The following AGBL4 variants were observed in gnomAD, a reference collection of about 807,000 sequenced individuals.
The protein encoded by AGBL4 is AGBL carboxypeptidase 4, also known as cytosolic carboxypeptidase 6.
A neutral mutation model predicts 66.4 loss-of-function variants in AGBL4; 58 were observed. That is an observed-to-expected ratio of 0.87 (90% CI 0.71 to 1.09). AGBL4 has a LOEUF of 1.09. AGBL4 is among the 50% of genes least tolerant of loss of function. AGBL4 has a pLI of 0.00. For synonymous variants in AGBL4, 234 were observed against 222.9 expected (o/e 1.05, Z -0.44); for missense variants, 579 against 631.0 (o/e 0.92, Z 0.88).
intron 6 of AGBL4, among the ~76,000 whole-genome samples, chr1:48,862,167 G>A (rs188859424): frequency 7.1e-4 from 108 of 152,130 alleles, no homozygotes; most frequent in African/African-American, 2.5e-3. Flanking sequence ...GCCTACTGCT[G>A]CCCATGAAGG....
rs541937902 is a variant in AGBL4 at position 49,286,237 on chromosome 1, A to C, written c.283-40373T>G. Among the ~76,000 whole-genome samples, 9 of 152,260 alleles carry C rather than the reference A, an allele frequency of 5.9e-5. No homozygotes were observed. In the East Asian group the frequency reaches 1.7e-3, roughly 29 times the overall value. Reference sequence around the variant, plus strand: ...TAAAATAATAAGAGCTATCTATGACAAACCCACAGCCAATATCATACTGAA... The same window carrying C: ...TAAAATAATAAGAGCTATCTATGACCAACCCACAGCCAATATCATACTGAA... On this transcript the variant is annotated intron_variant, in intron 3 of 13. Transcript: ENST00000371839.
At chr1:49,283,234 C>T (rs1006901020) in intron 3 of AGBL4, among the ~76,000 whole-genome samples, 3 of 152,204 alleles carry the variant, frequency 2.0e-5, no homozygotes, top group East Asian at 1.9e-4. Flanking sequence ...AGCAGCCTAA[C>T]TGGGAGGCAC....
intron 11 of AGBL4, among the ~76,000 whole-genome samples, chr1:48,548,588 C>A (rs931210777): frequency 6.6e-6 from 1 of 152,176 alleles, no homozygotes; most frequent in African/African-American, 2.4e-5. Context: ...GCCTGGCCTG[C>A]GGCCTCCCTT....
intron 3 of AGBL4, among the ~76,000 whole-genome samples, chr1:49,292,941 C>G (rs994913150): frequency 4.6e-5 from 7 of 152,218 alleles, no homozygotes; most frequent in African/African-American, 1.7e-4. Context: ...AGCTATAACA[C>G]AAACAGGACT....
chr1:48,846,313 C>CAGAT (rs746654355), intron 6 of AGBL4, among the ~76,000 whole-genome samples: 1 of 129,216 alleles, frequency 7.7e-6, no homozygotes, highest in African/African-American at 3.5e-5. Flanking sequence ...GATAGATAGA[C>CAGAT]AGATAGATAG....
At chr1:49,420,643 G>A (rs772050377) in intron 3 of AGBL4, among the ~76,000 whole-genome samples, 4 of 151,110 alleles carry the variant, frequency 2.6e-5, no homozygotes, top group African/African-American at 4.9e-5. Flanking sequence ...AGAGCTTGCC[G>A]TGAGCCGAGA....
At chr1:49,880,282 C>T (rs1388394899) in intron 1 of AGBL4, among the ~76,000 whole-genome samples, 4 of 151,864 alleles carry the variant, frequency 2.6e-5, no homozygotes, top group Non-Finnish European at 5.9e-5. Context: ...TTTTCCCCAT[C>T]TTTGTGGTTT....
chr1:49,966,335 A>T (rs1236494906), intron 1 of AGBL4, among the ~76,000 whole-genome samples: 2 of 152,196 alleles, frequency 1.3e-5, no homozygotes, highest in Non-Finnish European at 2.9e-5. Flanking sequence ...TACTTGACAT[A>T]AAATTGTATC....
At chr1:49,619,374 T>C (rs1206556357) in intron 3 of AGBL4, among the ~76,000 whole-genome samples, 1 of 152,038 alleles carries the variant, frequency 6.6e-6, no homozygotes, top group Admixed American at 6.6e-5. Flanking sequence ...TCACAATTGC[T>C]ACAAAGAGAA....
intron 1 of AGBL4, among the ~76,000 whole-genome samples, chr1:49,948,428 A>AAT (rs1655693839): frequency 1.1e-5 from 1 of 90,076 alleles, no homozygotes; most frequent in African/African-American, 4.1e-5. Flanking sequence ...AATATAGATA[A>AAT]ATATATAAAT....
chr1:49,177,906 A>C (rs1279435616), intron 4 of AGBL4, among the ~76,000 whole-genome samples: 1 of 152,196 alleles, frequency 6.6e-6, no homozygotes, highest in Non-Finnish European at 1.5e-5. Context: ...TTCCTGAAAC[A>C]ATAAATACCT....
intron 6 of AGBL4, among the ~76,000 whole-genome samples, chr1:48,744,788 G>T (rs1194544621): frequency 6.6e-6 from 1 of 152,118 alleles, no homozygotes; most frequent in Non-Finnish European, 1.5e-5. Flanking sequence ...AGAACAACCA[G>T]CCTCCTCTCT....
Position 49,064,694 on chromosome 1 carries a change from A to G in AGBL4, c.378-18894T>C, listed in dbSNP as rs1037034662. 4.6e-5 allele frequency among the ~76,000 whole-genome samples: 7 copies of G among 152,204 alleles called. 1 individual carries two copies. Among genetic ancestry groups the G allele is most frequent in the South Asian group, 4.1e-4 (2 of 4,836 alleles). ...ATAATTGGAGACAATGAAAAAACCA[A>G]TATAAGCCATATTTGCCTTTAAATA... On this transcript the variant is annotated intron_variant, in intron 4 of 13. Coordinates refer to ENST00000371839, the MANE Select transcript of AGBL4 (RefSeq NM_032785.4).
chr1:48,953,934 A>G (rs1314211078), intron 5 of AGBL4, among the ~76,000 whole-genome samples: 2 of 152,172 alleles, frequency 1.3e-5, no homozygotes, highest in Non-Finnish European at 2.9e-5. Flanking sequence ...CTATCACCAA[A>G]GATTGGGAGA....
At chr1:49,511,543 C>T (rs1649254728) in intron 3 of AGBL4, among the ~76,000 whole-genome samples, 2 of 151,048 alleles carry the variant, frequency 1.3e-5, no homozygotes, top group Admixed American at 1.3e-4. Flanking sequence ...CAGCATGGCA[C>T]ATGTATATGT....
chr1:48,652,706 G>A (rs375142185), intron 8 of AGBL4, among the ~76,000 whole-genome samples: 3 of 152,116 alleles, frequency 2.0e-5, no homozygotes, highest in Non-Finnish European at 2.9e-5. Context: ...CAAATGAGTC[G>A]GTGTTTTTTT....
intron 4 of AGBL4, among the ~76,000 whole-genome samples, chr1:49,050,998 AGAG>A (rs1644199505): frequency 6.6e-6 from 1 of 152,110 alleles, no homozygotes; most frequent in Admixed American, 6.6e-5. Context: ...ATAAGGAAGA[AGAG>A]AAGTCCCAGA....
At chr1:48,751,076 A>T (rs1386295418) in intron 6 of AGBL4, among the ~76,000 whole-genome samples, 1 of 152,192 alleles carries the variant, frequency 6.6e-6, no homozygotes, top group African/African-American at 2.4e-5. Context: ...TGGCATAGAT[A>T]TGTCTTTTCC....
intron 5 of AGBL4, among the ~76,000 whole-genome samples, chr1:48,987,242 TAAC>T (rs1227346947): frequency 8.6e-5 from 13 of 151,840 alleles, no homozygotes; most frequent in African/African-American, 3.1e-4. Flanking sequence ...ACAGATTAGA[TAAC>T]AAAGCATGGT....
Sources: allele counts gnomAD v4.1 joint callset (sites outside exome capture counted in the v4.1 genomes callset), GRCh38; gene constraint gnomAD v4.1.1; transcripts MANE v1.5; gene names NCBI Gene and HGNC (gene_info 2026-07-23, HGNC 2026-07-21).